The following ZNF383 variants were observed in gnomAD, a reference collection of about 807,000 sequenced individuals.
ZNF383 encodes the protein zinc finger protein 383.
A neutral mutation model predicts 44.2 loss-of-function variants in ZNF383; 32 were observed. That is an observed-to-expected ratio of 0.72 (90% CI 0.55 to 0.97). ZNF383 has a LOEUF of 0.97. ZNF383 is among the 50% of genes least tolerant of loss of function. The pLI is 0.00. For synonymous variants in ZNF383, 155 were observed against 186.2 expected (o/e 0.83, Z 1.36); for missense variants, 487 against 562.5 (o/e 0.87, Z 1.36).
intron 4 of ZNF383, 64 bp downstream of exon 4, chr19:37,235,739 A>G (rs755369899): frequency 2.0e-6 from 3 of 1,503,036 alleles, no homozygotes; most frequent in Non-Finnish European, 2.7e-6. Flanking sequence ...TCCACAGTGA[A>G]TTTCTCAGCT....
chr19:37,236,854 C>T (rs980051220), intron 5 of ZNF383, among the ~76,000 whole-genome samples: 8 of 152,014 alleles, frequency 5.3e-5, no homozygotes, highest in Admixed American at 2.0e-4. Context: ...AGGCATGAGC[C>T]ACCGCGTCCG....
rs1599810684 is a variant in ZNF383 at position 37,243,627 on chromosome 19, A to G, written c.1391A>G (p.Asp464Gly). 1 of 1,576,278 alleles carries G rather than the reference A, an allele frequency of 6.3e-7. No individual in the cohort carries two copies. Among genetic ancestry groups the G allele is most frequent in the East Asian group, 2.3e-5 (1 of 44,388 alleles). ...ECGKAFSSGS[D>G]LIRHQGIHTN... ...GGGAAGGCTTTTAGTAGTGGCTCGG[A>G]TCTCATTCGTCATCAGGGAATTCAT... The change falls in exon 6 of 6, where the codon GAT (aspartate) becomes GGT (glycine). Residue 464 changes from aspartate to glycine, a missense_variant. Transcript: ENST00000684119.
At chr19:37,232,602 G>T (rs1216262617) in intron 3 of ZNF383, among the ~76,000 whole-genome samples, 1 of 152,002 alleles carries the variant, frequency 6.6e-6, no homozygotes, top group Non-Finnish European at 1.5e-5. Flanking sequence ...ATTCACTAGG[G>T]GTTACAAGTG....
chr19:37,226,427 C>A (rs1245382009), intron 2 of ZNF383: 1 of 152,118 alleles, frequency 6.6e-6, no homozygotes, highest in African/African-American at 2.4e-5. Flanking sequence ...TGTGTAATGA[C>A]ATTTATCTCC....
At chr19:37,221,980 G>C (rs1397434008) in intron 1 of ZNF383, among the ~76,000 whole-genome samples, 1 of 142,462 alleles carries the variant, frequency 7.0e-6, no homozygotes, top group African/African-American at 2.6e-5. Context: ...AAAAGAAAAA[G>C]CATATTCCTT....
At chr19:37,224,646 A>G (rs1055430752) in intron 1 of ZNF383, among the ~76,000 whole-genome samples, 172 bp from the exon 2 acceptor site, 7 of 151,280 alleles carry the variant, frequency 4.6e-5, no homozygotes, top group Non-Finnish European at 1.0e-4. Flanking sequence ...TCGACCTTCC[A>G]GGCTCAGGTG....
rs1974364715 is a variant in ZNF383 at position 37,246,108 on chromosome 19, T to A, written c.*2444T>A. On this transcript the variant is annotated 3_prime_UTR_variant, in exon 6 of 6. Coordinates refer to ENST00000684119, the MANE Select transcript of ZNF383 (RefSeq NM_001387601.1). ...CCGCCCCTGGCTGTTAGTGGTATTT[T>A]AAAAAATTATGTCTAGGCATCTATA... is the stretch of plus-strand genomic sequence containing the variant. 1 of 152,198 alleles carries A rather than the reference T, an allele frequency of 6.6e-6. No individual in the cohort carries two copies. The highest frequency in any genetic ancestry group is 6.5e-5 in the Admixed American group (1 of 15,270). 9.4% of individuals were successfully genotyped at this position (152,198 alleles called of 1,614,324 possible).
At chr19:37,222,672 C>T (rs1599779701) in intron 1 of ZNF383, among the ~76,000 whole-genome samples, 1 of 152,196 alleles carries the variant, frequency 6.6e-6, no homozygotes, top group East Asian at 1.9e-4. Flanking sequence ...GCCACCGTGC[C>T]CGGCCGAATA....
chr19:37,236,625 C>CA (rs1419990930), intron 5 of ZNF383, among the ~76,000 whole-genome samples: 1 of 149,980 alleles, frequency 6.7e-6, no homozygotes, highest in Admixed American at 6.7e-5. Flanking sequence ...GGCTGGAGTG[C>CA]AGGGTGCGAT....
chr19:37,236,671 G>A (rs1442879758), intron 5 of ZNF383, among the ~76,000 whole-genome samples: 7 of 151,998 alleles, frequency 4.6e-5, no homozygotes, highest in Non-Finnish European at 5.9e-5. Context: ...CCGGGTTCAG[G>A]CGATTCTTCT....
In ZNF383 at chr19:37,242,536, C is replaced by G; in HGVS notation, c.300C>G (p.Cys100Trp). ...LKKEVYEIEL[C>W]QREIMGLTKH... is the part of the protein sequence containing the mutation. ...AGGAAGTTTATGAAATAGAATTATG[C>G]CAGAGGGAGATAATGGGACTTACAA... Residue 100 changes from cysteine to tryptophan, a missense_variant, in exon 6 of 6, where the codon TGC becomes TGG. Cys to Trp is a radical substitution (Grantham distance 215). Transcript: ENST00000684119. The G allele has an allele frequency of 6.2e-7, 1 of 1,613,674 alleles. No individual in the cohort carries two copies.
chr19:37,244,506 T>C lies in ZNF383; in HGVS notation c.*842T>C, dbSNP rs1874320457. 6.6e-6 allele frequency: 1 copy of C among 152,194 alleles called. No homozygotes were observed. Among genetic ancestry groups the C allele is most frequent in the Admixed American group, 6.6e-5 (1 of 15,264 alleles). The allele number at this position is 152,194 out of a possible 1,614,324, so 9.4% of individuals were successfully genotyped here. On this transcript the variant is annotated 3_prime_UTR_variant, in exon 6 of 6. Coordinates refer to ENST00000684119, the MANE Select transcript of ZNF383 (RefSeq NM_001387601.1). ...GGTTCTTCTGCCTCAGCCTTTTGAG[T>C]AGTTGGGATTACAGGCATGTGCCAC... is the stretch of plus-strand genomic sequence containing the variant.
Position 37,247,777 on chromosome 19 carries a change from G to A in ZNF383, c.*4113G>A, listed in dbSNP as rs1008565683. 2.0e-5 allele frequency: 3 copies of A among 152,152 alleles called. No homozygotes were observed. The highest frequency in any genetic ancestry group is 2.1e-4 in the South Asian group (1 of 4,818). 9.4% of individuals were successfully genotyped at this position (152,152 alleles called of 1,614,324 possible). A position where few individuals can be genotyped will look rare whatever the true frequency, so the allele number is the denominator to read the frequency against. ...AGTCTGTGATTTTTAATAAGTTGAC[G>A]ACATCAGAATTAACTGGAGGTGTAA... On this transcript the variant is annotated 3_prime_UTR_variant, in exon 6 of 6. Transcript: ENST00000684119.
At chr19:37,230,200 G>A (rs860386) in intron 2 of ZNF383, among the ~76,000 whole-genome samples, 52,660 of 151,894 alleles carry the variant, frequency 0.35, 9,399 homozygotes, top group African/African-American at 0.43. Context: ...TTGCATGAGG[G>A]AGAATGAATC....
rs578048001 is a variant in ZNF383 at position 37,230,209 on chromosome 19, T to C, written c.-45-200T>C. ...GGTTGTTTGCATGAGGGAGAATGAATCTGAGTCCTTGTCTTGCTGCAGCTA... is the reference window on the plus strand; with the variant it reads ...GGTTGTTTGCATGAGGGAGAATGAACCTGAGTCCTTGTCTTGCTGCAGCTA... On this transcript the variant is annotated intron_variant, in intron 2 of 5. Transcript: ENST00000684119. Among the ~76,000 whole-genome samples the C allele has an allele frequency of 3.3e-5, 5 of 152,230 alleles. No homozygotes were observed. In the South Asian group the frequency reaches 1.0e-3, roughly 32 times the overall value.
chr19:37,229,358 C>T (rs974124215), intron 2 of ZNF383, among the ~76,000 whole-genome samples: 1 of 149,552 alleles, frequency 6.7e-6, no homozygotes, highest in Non-Finnish European at 1.5e-5. Context: ...ACGGTTTCTC[C>T]ATGTTGATCA....
chr19:37,241,562 G>A (rs1045717539), intron 5 of ZNF383, among the ~76,000 whole-genome samples: 5 of 151,980 alleles, frequency 3.3e-5, no homozygotes, highest in East Asian at 1.9e-4. Context: ...TATTACACAG[G>A]CACAATTGAT....
Position 37,243,654 on chromosome 19 carries a change from C to G in ZNF383, c.1418C>G (p.Thr473Ser), listed in dbSNP as rs372678545. Residue 473 changes from threonine to serine, a missense_variant, in exon 6 of 6, where the codon ACT (threonine) becomes AGT (serine). Coordinates refer to ENST00000684119, the MANE Select transcript of ZNF383 (RefSeq NM_001387601.1). ...CTCATTCGTCATCAGGGAATTCATA[C>G]TAATAAATAATAAAAATTAAAGCCC... ...SDLIRHQGIH[T>S]NK 4.6e-6 allele frequency: 7 copies of G among 1,511,710 alleles called. No homozygotes were observed. In the African/African-American group the frequency reaches 8.4e-5, roughly 18 times the overall value. 93.6% of individuals were successfully genotyped at this position (1,511,710 alleles called of 1,614,324 possible). A position where few individuals can be genotyped will look rare whatever the true frequency, so the allele number is the denominator to read the frequency against.
chr19:37,234,410 A>G (rs890091848), intron 3 of ZNF383, among the ~76,000 whole-genome samples: 1 of 151,732 alleles, frequency 6.6e-6, no homozygotes, highest in African/African-American at 2.4e-5. Context: ...ATTTTTTGAG[A>G]CAGAGTCTTG....
Sources: allele counts gnomAD v4.1 joint callset (sites outside exome capture counted in the v4.1 genomes callset), GRCh38; gene constraint gnomAD v4.1.1; transcripts MANE v1.5; gene names NCBI Gene and HGNC (gene_info 2026-07-23, HGNC 2026-07-21).